CGREF1: variants seen among roughly 807,000 people sequenced by gnomAD.
CGREF1 encodes cell growth regulator with EF-hand domain 1, also known as cell growth regulator with EF hand domain protein 1.
A neutral mutation model predicts 17.4 loss-of-function variants in CGREF1; 16 were observed. The observed-to-expected ratio is 0.92, with a 90% CI of 0.62 to 1.40. The LOEUF is 1.40. Among genes scored for constraint, CGREF1 ranks in the 40% most tolerant of loss-of-function variants. CGREF1 has a pLI of 0.00. For missense variants in CGREF1, 296 were observed against 376.4 expected (o/e 0.79, Z 1.77); for synonymous variants, 142 against 154.6 (o/e 0.92, Z 0.61).
At chr2:27,104,649 C>A (rs1671048901) in intron 1 of CGREF1, 2 of 1,550,472 alleles carry the variant, frequency 1.3e-6, no homozygotes, top group Admixed American at 2.0e-5. Context: ...CCACCCCACG[C>A]CCCATTCCCT....
At chr2:27,099,386 GGCTAACACCC>G (rs1188664416), downstream of CGREF1, 6 of 1,612,082 alleles carry the variant, frequency 3.7e-6, no homozygotes, top group African/African-American at 8.0e-5. Flanking sequence ...GGACGGGGTG[GGCTAACACCC>G]AGCTGAGTGG....
chr2:27,113,128 C>T (rs1671452954), intron 1 of CGREF1, among the ~76,000 whole-genome samples: 1 of 152,096 alleles, frequency 6.6e-6, no homozygotes, highest in African/African-American at 2.4e-5. Flanking sequence ...GGCTGCCTCT[C>T]CCAGTTCTTT....
chr2:27,116,966 G>C (rs1304947613), intron 1 of CGREF1, among the ~76,000 whole-genome samples: 2 of 143,742 alleles, frequency 1.4e-5, no homozygotes, highest in Non-Finnish European at 3.0e-5. Context: ...AGGCTGGAGT[G>C]CAGTGGCGCA....
At position 27,102,140 on chromosome 2, in the gene CGREF1, G is replaced by C. The variant is rs183871081; in HGVS notation, c.299C>G (p.Ala100Gly). Residue 100 changes from alanine (A) to glycine (G), a missense_variant, in exon 5 of 6, where the codon GCT becomes GGT. Around this residue, in one of 3 missense-constraint regions of CGREF1, gnomAD observed 247 missense variants for 267.2 expected, o/e 0.92. Coordinates refer to ENST00000402394, the MANE Select transcript of CGREF1 (RefSeq NM_006569.6). ...GTTGGCAGCTCCAGGGGCCAGAGCA[G>C]CTGTCAACATGGACAGCAGCTCCAG... ...DGLELLSMLT[A>G]ALAPGAANSP... 1.9e-6 allele frequency: 3 copies of C among 1,612,090 alleles called. No homozygotes were observed. In the Admixed American group the frequency reaches 5.0e-5, roughly 27 times the overall value.
intron 1 of CGREF1, chr2:27,104,787 C>G: frequency 6.8e-7 from 1 of 1,463,006 alleles, no homozygotes; most frequent in Non-Finnish European, 9.0e-7. Flanking sequence ...GTAAGAAACG[C>G]AGGGAGTCAC....
At chr2:27,112,868 A>C (rs569954953) in intron 1 of CGREF1, among the ~76,000 whole-genome samples, 2 of 152,340 alleles carry the variant, frequency 1.3e-5, no homozygotes, top group East Asian at 3.9e-4. Flanking sequence ...CAGAGAACTG[A>C]AGGAATTGCC....
Position 27,102,238 on chromosome 2 carries a change from C to G in CGREF1, c.218-17G>C, listed in dbSNP as rs1340275261. The stretch of plus-strand genomic sequence containing the variant: ...AGAGGAGAACTAAAGAGAAGAGAAG[C>G]TGGATTAGAAGAGGTGCCGGGGGAG... On this transcript the variant is annotated splice_polypyrimidine_tract_variant and intron_variant, in intron 4 of 5. Transcript: ENST00000402394. 1.2e-6 allele frequency: 2 copies of G among 1,610,480 alleles called. No homozygotes were observed. The highest frequency in any genetic ancestry group is 2.2e-5 in the South Asian group (2 of 90,942).
At chr2:27,102,063 C>T (rs1670897521) in intron 5 of CGREF1, 34 bp downstream of exon 5, 1 of 1,584,538 alleles carries the variant, frequency 6.3e-7, no homozygotes. Context: ...GCTGGGTCTC[C>T]TTTATGCGGG....
At position 27,102,555 on chromosome 2, in the gene CGREF1, G is replaced by A. The variant is rs1316883047; in HGVS notation, c.117C>T (p.Asn39=). 1 of 1,613,848 alleles carries A rather than the reference G, an allele frequency of 6.2e-7. No homozygotes were observed. Among genetic ancestry groups the A allele is most frequent in the Non-Finnish European group, 8.5e-7 (1 of 1,179,952 alleles). Residue 39 remains asparagine, a synonymous_variant, in exon 3 of 6, where the codon AAC becomes AAT. Transcript: ENST00000402394. ...DSEVQHQLLP[N]PFQPGQEQLG... Reference sequence around the variant, plus strand: ...GCTGCTCCTGGCCTGGCTGGAAGGGGTTGGGCAGGAGCTGATGCTGCACTT... The same window carrying A: ...GCTGCTCCTGGCCTGGCTGGAAGGGATTGGGCAGGAGCTGATGCTGCACTT...
At chr2:27,118,727 G>A (rs943494687) in intron 1 of CGREF1, 119 bp downstream of exon 1, 10 of 152,398 alleles carry the variant, frequency 6.6e-5, no homozygotes, top group Non-Finnish European at 7.3e-5. Flanking sequence ...AGGGGATGCA[G>A]AGGGACTGCG....
In CGREF1 at chr2:27,101,625, C is replaced by A. The variant is rs376966533; in HGVS notation, c.606G>T (p.Leu202Phe). The change falls in exon 6 of 6, where the codon TTG (leucine) becomes TTT (phenylalanine). Residue 202 changes from leucine to phenylalanine, a missense_variant. Around this residue, in one of 3 missense-constraint regions of CGREF1, gnomAD observed 247 missense variants for 267.2 expected, o/e 0.92. Coordinates refer to ENST00000402394, the MANE Select transcript of CGREF1 (RefSeq NM_006569.6). Reference sequence around the variant, plus strand: ...GGCCCCCAGGCTCCTGGACAGGATCCAAAGACTCCCTTCTGGCCTCTACCT... The same window carrying A: ...GGCCCCCAGGCTCCTGGACAGGATCAAAAGACTCCCTTCTGGCCTCTACCT... The part of the protein sequence containing the change: ...KGQVEARRES[L>F]DPVQEPGGQA... 1.2e-6 allele frequency: 2 copies of A among 1,614,148 alleles called. No homozygotes were observed. Among genetic ancestry groups the A allele is most frequent in the Non-Finnish European group, 1.7e-6 (2 of 1,180,030 alleles).
In CGREF1 at chr2:27,101,189, C is replaced by T. The variant is rs2148377040; in HGVS notation, c.*85G>A. 2.0e-6 allele frequency: 3 copies of T among 1,503,540 alleles called. No individual in the cohort carries two copies. The highest frequency in any genetic ancestry group is 2.7e-6 in the Non-Finnish European group (3 of 1,131,020). The allele number at this position is 1,503,540 out of a possible 1,614,324, so 93.1% of individuals were successfully genotyped here. A position where few individuals can be genotyped will look rare whatever the true frequency, so the allele number is the denominator to read the frequency against. On this transcript the variant is annotated 3_prime_UTR_variant, in exon 6 of 6. Transcript: ENST00000402394. ...CCAGGCAGGGGGCACAGAGATGGTCCTTGTCCCAGCGTACATTTCCCCTGC... is the reference window on the plus strand; with the variant it reads ...CCAGGCAGGGGGCACAGAGATGGTCTTTGTCCCAGCGTACATTTCCCCTGC...
Position 27,102,223 on chromosome 2 carries a change from TAAAGA to T in CGREF1, c.218-7_218-3del, listed in dbSNP as rs1330196335. On this transcript the variant is annotated splice_region_variant and splice_polypyrimidine_tract_variant and intron_variant, in intron 4 of 5. Coordinates refer to ENST00000402394, the MANE Select transcript of CGREF1 (RefSeq NM_006569.6). ...GGAGGGCAAAGAGGTAGAGGAGAAC[TAAAGA>T]GAAGAGAAGCTGGATTAGAAGAGGT... 1.9e-6 allele frequency: 3 copies of T among 1,610,812 alleles called. No homozygotes were observed. Among genetic ancestry groups the T allele is most frequent in the Non-Finnish European group, 2.5e-6 (3 of 1,177,520 alleles).
chr2:27,110,849 G>C (rs1671343983), intron 1 of CGREF1: 1 of 152,624 alleles, frequency 6.6e-6, no homozygotes, highest in Non-Finnish European at 1.5e-5. Flanking sequence ...TTGTGGTCTC[G>C]CTGGCTCAGG....
chr2:27,108,990 G>A (rs1171873648), intron 1 of CGREF1, among the ~76,000 whole-genome samples: 1 of 151,968 alleles, frequency 6.6e-6, no homozygotes, highest in African/African-American at 2.4e-5. Flanking sequence ...TGTTGCCCAG[G>A]CTGGTCTTGG....
Position 27,101,149 on chromosome 2 carries a change from T to C in CGREF1, c.*125A>G, listed in dbSNP as rs1670802500. 6.8e-7 allele frequency: 1 copy of C among 1,472,862 alleles called. No homozygotes were observed. The highest frequency in any genetic ancestry group is 1.4e-5 in the African/African-American group (1 of 71,106). 91.2% of individuals were successfully genotyped at this position (1,472,862 alleles called of 1,614,324 possible). A position where few individuals can be genotyped will look rare whatever the true frequency, so the allele number is the denominator to read the frequency against. On this transcript the variant is annotated 3_prime_UTR_variant, in exon 6 of 6. Coordinates refer to ENST00000402394, the MANE Select transcript of CGREF1 (RefSeq NM_006569.6). Reference sequence around the variant, plus strand: ...TCTCCCTGAGCTGCACAGAAAGACCTGATACCTACTGGGACCAGGCAGGGG... The same window carrying C: ...TCTCCCTGAGCTGCACAGAAAGACCCGATACCTACTGGGACCAGGCAGGGG...
At chr2:27,111,834 G>A (rs1310449621) in intron 1 of CGREF1, among the ~76,000 whole-genome samples, 1 of 151,978 alleles carries the variant, frequency 6.6e-6, no homozygotes, top group Non-Finnish European at 1.5e-5. Context: ...GCCCCGGTTC[G>A]CGCTCGCGCC....
intron 1 of CGREF1, among the ~76,000 whole-genome samples, chr2:27,109,570 C>T (rs181909034): frequency 5.9e-5 from 9 of 152,084 alleles, no homozygotes; most frequent in Non-Finnish European, 1.0e-4. Flanking sequence ...AGAGAGTGGA[C>T]ATATTGATGA....
At position 27,102,351 on chromosome 2, in the gene CGREF1, G is replaced by GC. The variant is rs769222031; in HGVS notation, c.217+8dup. 2 of 1,614,034 alleles carry GC rather than the reference G, an allele frequency of 1.2e-6. No individual in the cohort carries two copies. Among genetic ancestry groups the GC allele is most frequent in the South Asian group, 2.2e-5 (2 of 91,086 alleles). On this transcript the variant is annotated intron_variant, in intron 4 of 5. Transcript: ENST00000402394. ...TCCCGTCCCTGGCCCCATCAGCCCAGCCCCTCACCCTGCTCCCGGCTCAGA... is the reference window on the plus strand; with the variant it reads ...TCCCGTCCCTGGCCCCATCAGCCCAGCCCCCTCACCCTGCTCCCGGCTCAGA...
Sources: allele counts gnomAD v4.1 joint callset (sites outside exome capture counted in the v4.1 genomes callset), GRCh38; gene constraint gnomAD v4.1.1; regional missense constraint gnomAD v4.1.1; transcripts MANE v1.5; gene names NCBI Gene and HGNC (gene_info 2026-07-23, HGNC 2026-07-21).